GRIA4: variants seen among roughly 807,000 people sequenced by gnomAD.
GRIA4 encodes the protein glutamate ionotropic receptor AMPA type subunit 4.
A neutral mutation model predicts 104.0 loss-of-function variants in GRIA4; 34 were observed. The ratio of observed to expected loss-of-function variants is 0.33; its 90% CI spans 0.25 to 0.44. The LOEUF is 0.44. GRIA4 is among the 20% of genes least tolerant of loss of function. The pLI is 1.00. For missense variants in GRIA4, 750 were observed against 1,096.5 expected, an observed-to-expected ratio of 0.68 and a Z score of 4.46; for synonymous variants, 386 against 381.9, an observed-to-expected ratio of 1.01 and a Z score of -0.13.
chr11:105,814,653 C>A (rs569342410), intron 4 of GRIA4, among the ~76,000 whole-genome samples: 1 of 151,934 alleles, frequency 6.6e-6, no homozygotes, highest in African/African-American at 2.4e-5. Context: ...CCCATTATTA[C>A]CATTTTAAGT....
intron 4 of GRIA4, among the ~76,000 whole-genome samples, chr11:105,764,452 T>C (rs192815224): frequency 2.6e-5 from 4 of 152,296 alleles, no homozygotes; most frequent in Non-Finnish European, 4.4e-5. Context: ...TATTTCATGT[T>C]GTGAAGTTTA....
chr11:105,770,382 C>T (rs921069768), intron 4 of GRIA4, among the ~76,000 whole-genome samples: 16 of 151,942 alleles, frequency 1.1e-4, no homozygotes, highest in African/African-American at 3.9e-4. Flanking sequence ...CATATTTTTG[C>T]CAAACTATAT....
Position 105,979,578 on chromosome 11 carries a change from A to G in GRIA4, c.2548A>G (p.Thr850Ala), listed in dbSNP as rs769906415. ...GCTTCCTTTCCATGCAACCCAGCTG[A>G]CCTTTTCTGAAGCCATAAGAAACAA... ...SRAEAKRMKLTFSEAIRNKAR... is the reference protein window; with the variant it reads ...SRAEAKRMKLAFSEAIRNKAR... Residue 850 changes from threonine to alanine, a missense_variant, in exon 17 of 17, where the codon ACC becomes GCC. Physicochemically the swap from Thr to Ala is moderately conservative, Grantham distance 58 (BLOSUM62 0). Around this residue, in one of 3 missense-constraint regions of GRIA4, gnomAD observed 68 missense variants for 69.3 expected, o/e 0.98. Coordinates refer to ENST00000282499, the MANE Select transcript of GRIA4 (RefSeq NM_000829.4). 2 of 1,614,016 alleles carry G rather than the reference A, an allele frequency of 1.2e-6. No homozygotes were observed. The highest frequency in any genetic ancestry group is 1.7e-6 in the Non-Finnish European group (2 of 1,179,882).
intron 14 of GRIA4, among the ~76,000 whole-genome samples, chr11:105,960,316 T>C (rs1172792633): frequency 6.6e-6 from 1 of 152,240 alleles, no homozygotes; most frequent in Non-Finnish European, 1.5e-5. Flanking sequence ...TGGCTGGAGT[T>C]ACTGGAGATC....
chr11:105,760,816 T>C (rs910253406), intron 4 of GRIA4, among the ~76,000 whole-genome samples: 5 of 152,066 alleles, frequency 3.3e-5, no homozygotes, highest in Admixed American at 6.5e-5. Flanking sequence ...CCAGAAAACA[T>C]GTTTTCTGAT....
chr11:105,887,411 T>C, intron 5 of GRIA4, 108 bp from the exon 6 acceptor site: 1 of 539,650 alleles, frequency 1.9e-6, no homozygotes, highest in Non-Finnish European at 3.3e-6. Context: ...AAACTATCAT[T>C]TTCCCATCAT....
rs73627677 is a variant in GRIA4 at position 105,685,383 on chromosome 11, C to G, written c.248-67598C>G. On this transcript the variant is annotated intron_variant, in intron 3 of 16. Coordinates refer to ENST00000282499, the MANE Select transcript of GRIA4 (RefSeq NM_000829.4). ...TAAGTGATTTCATGTCCACACTTAC[C>G]AGATTTTGACCCTGGCTTGAAATCA... Among the ~76,000 whole-genome samples, 668 of 152,230 alleles carry G rather than the reference C, an allele frequency of 4.4e-3. 7 individuals carry two copies. The highest frequency in any genetic ancestry group is 0.015 in the African/African-American group (632 of 41,544).
rs569384345 is a variant in GRIA4 at position 105,970,823 on chromosome 11, G to T, written c.2295-1091G>T. The stretch of plus-strand genomic sequence containing the variant: ...AGCCAACAAAATGGTAACAACAAAA[G>T]ATCCTGAAACTTTCTGCTTTCCATT... On this transcript the variant is annotated intron_variant, in intron 14 of 16. Transcript: ENST00000282499. Among the ~76,000 whole-genome samples, 4 of 152,246 alleles carry T rather than the reference G, an allele frequency of 2.6e-5. No individual in the cohort carries two copies. In the East Asian group the frequency reaches 7.7e-4, roughly 29 times the overall value.
intron 4 of GRIA4, among the ~76,000 whole-genome samples, chr11:105,836,677 G>A (rs1426140293): frequency 1.3e-5 from 2 of 152,046 alleles, no homozygotes; most frequent in East Asian, 3.9e-4. Context: ...CACAACCAAA[G>A]TTTCTGATTC....
At chr11:105,774,011 G>A (rs1941341987) in intron 4 of GRIA4, among the ~76,000 whole-genome samples, 1 of 151,346 alleles carries the variant, frequency 6.6e-6, no homozygotes, top group African/African-American at 2.4e-5. Context: ...GCTACAAAGA[G>A]AATAAATTTT....
chr11:105,969,383 C>A (rs980549433), intron 14 of GRIA4, among the ~76,000 whole-genome samples: 1 of 152,102 alleles, frequency 6.6e-6, no homozygotes, highest in African/African-American at 2.4e-5. Context: ...TCTGATAGTC[C>A]ACCAGTTGAA....
chr11:105,827,219 C>T (rs763594637), intron 4 of GRIA4, among the ~76,000 whole-genome samples: 7 of 151,928 alleles, frequency 4.6e-5, no homozygotes, highest in Non-Finnish European at 8.8e-5. Context: ...ATAGTTTCTA[C>T]TTCAAATCAG....
At chr11:105,694,004 T>A (rs1253540070) in intron 3 of GRIA4, among the ~76,000 whole-genome samples, 1 of 152,212 alleles carries the variant, frequency 6.6e-6, no homozygotes, top group Admixed American at 6.5e-5. Context: ...TAATTATTTT[T>A]AATTCTGCAA....
At chr11:105,811,589 T>C (rs1480616356) in intron 4 of GRIA4, among the ~76,000 whole-genome samples, 2 of 152,048 alleles carry the variant, frequency 1.3e-5, no homozygotes, top group African/African-American at 4.8e-5. Context: ...TTGAAAAAAA[T>C]GAGACTGGGG....
chr11:105,823,969 C>T (rs1276419114), intron 4 of GRIA4, among the ~76,000 whole-genome samples: 2 of 152,076 alleles, frequency 1.3e-5, no homozygotes, highest in African/African-American at 2.4e-5. Context: ...CATACAGAGA[C>T]ACCAGTGGTG....
chr11:105,817,962 G>A (rs1315796868), intron 4 of GRIA4, among the ~76,000 whole-genome samples: 1 of 152,002 alleles, frequency 6.6e-6, no homozygotes, highest in African/African-American at 2.4e-5. Context: ...AGAACACAGA[G>A]CAGAGATAAA....
chr11:105,699,188 T>A (rs1296971733), intron 3 of GRIA4, among the ~76,000 whole-genome samples: 1 of 152,180 alleles, frequency 6.6e-6, no homozygotes, highest in African/African-American at 2.4e-5. Context: ...AAATATTTAT[T>A]GAGGATCAAC....
At chr11:105,866,549 G>GTA (rs1345654796) in intron 5 of GRIA4, among the ~76,000 whole-genome samples, 12,223 of 76,468 alleles carry the variant, frequency 0.16, 875 homozygotes, top group Middle Eastern at 0.26. Context: ...GTGTGTGTGT[G>GTA]TGTATATATA....
chr11:105,789,746 A>G (rs990831398), intron 4 of GRIA4, among the ~76,000 whole-genome samples: 2 of 152,198 alleles, frequency 1.3e-5, no homozygotes, highest in Non-Finnish European at 2.9e-5. Flanking sequence ...AACACTAAAG[A>G]TAATATTTTG....
Sources: allele counts gnomAD v4.1 joint callset (sites outside exome capture counted in the v4.1 genomes callset), GRCh38; gene constraint gnomAD v4.1.1; regional missense constraint gnomAD v4.1.1; transcripts MANE v1.5; gene names NCBI Gene and HGNC (gene_info 2026-07-23, HGNC 2026-07-21).